Variants in RYR2 observed in about 807,000 individuals in gnomAD.
The protein encoded by RYR2 is ryanodine receptor 2, also known as cardiac muscle ryanodine receptor-calcium release channel.
In RYR2, 227 loss-of-function variants were observed where a neutral mutation model predicts 601.1. That is an observed-to-expected ratio of 0.38 (90% CI 0.34 to 0.42). The LOEUF (loss-of-function observed/expected upper bound fraction) is 0.42. Ranked by LOEUF, RYR2 falls within the 10% of genes least tolerant of loss-of-function variation. The pLI, the probability that RYR2 is intolerant of heterozygous loss-of-function variation, is 1.00. For missense variants in RYR2, 4,646 were observed against 6,156.5 expected (o/e 0.75, Z 8.21); for synonymous variants, 2,223 against 2,175.1 (o/e 1.02, Z -0.61).
chr1:237,187,216 G>T (rs1047356673), intron 1 of RYR2, among the ~76,000 whole-genome samples: 1 of 151,308 alleles, frequency 6.6e-6, no homozygotes, highest in Non-Finnish European at 1.5e-5. Flanking sequence ...TGTCGCTCAG[G>T]CTGGAGTGCA....
At chr1:237,543,579 T>C (rs186200021) in intron 25 of RYR2, among the ~76,000 whole-genome samples, 39 of 152,342 alleles carry the variant, frequency 2.6e-4, no homozygotes, top group Admixed American at 1.8e-3. Flanking sequence ...CTTTGAAATT[T>C]ACAGCTAACA....
Position 237,140,731 on chromosome 1 carries a change from T to C in RYR2, c.48+98162T>C, listed in dbSNP as rs552965961. 2.0e-5 allele frequency among the ~76,000 whole-genome samples: 3 copies of C among 152,298 alleles called. No individual in the cohort carries two copies. The South Asian group carries it at 6.2e-4, about 32-fold the overall frequency. On this transcript the variant is annotated intron_variant, in intron 1 of 104. Coordinates refer to ENST00000366574, the MANE Select transcript of RYR2 (RefSeq NM_001035.3). The stretch of plus-strand genomic sequence containing the variant: ...GTTCCTGGGGAAGTGGATTAATTAT[T>C]ATAAGCTTACTCTGAACCATTACAG...
intron 1 of RYR2, among the ~76,000 whole-genome samples, chr1:237,248,762 T>A (rs1434426893): frequency 4.6e-5 from 6 of 129,618 alleles, no homozygotes; most frequent in Non-Finnish European, 1.5e-5. Flanking sequence ...AATGTACATT[T>A]TTTTTTTTTT....
chr1:237,454,415 A>G lies in RYR2; in HGVS notation c.1317A>G (p.Lys439=), dbSNP rs1658553784. 1 of 1,611,128 alleles carries G rather than the reference A, an allele frequency of 6.2e-7. No individual in the cohort carries two copies. Among genetic ancestry groups the G allele is most frequent in the African/African-American group, 1.3e-5 (1 of 74,836 alleles). ...GGGGCCTTGATGCTCTCAGCAAGAAAGCGAAGGCTTCCACAGTCGATTTGC... is the reference window on the plus strand; with the variant it reads ...GGGGCCTTGATGCTCTCAGCAAGAAGGCGAAGGCTTCCACAGTCGATTTGC... ...FIRGLDALSK[K]AKASTVDLPI... The change falls in exon 15 of 105, where the codon AAA becomes AAG. Residue 439 remains lysine (K), a synonymous_variant. Transcript: ENST00000366574.
intron 47 of RYR2, 65 bp from the exon 48 acceptor site, chr1:237,643,262 T>C: frequency 6.3e-7 from 1 of 1,582,118 alleles, no homozygotes; most frequent in Non-Finnish European, 8.6e-7. Flanking sequence ...ACTTCAGATT[T>C]CCTAGACAGA....
chr1:237,077,406 G>A (rs1192811331), intron 1 of RYR2, among the ~76,000 whole-genome samples: 2 of 129,392 alleles, frequency 1.5e-5, no homozygotes, highest in Admixed American at 1.7e-4. Context: ...ACACACATAG[G>A]CTCAAAATAA....
At chr1:237,430,254 G>A (rs1442380758) in intron 12 of RYR2, among the ~76,000 whole-genome samples, 1 of 150,440 alleles carries the variant, frequency 6.6e-6, no homozygotes, top group Non-Finnish European at 1.5e-5. Flanking sequence ...AATATATATT[G>A]ATCTGGAGAT....
chr1:237,107,717 G>A (rs1325386088), intron 1 of RYR2, among the ~76,000 whole-genome samples: 1 of 152,062 alleles, frequency 6.6e-6, no homozygotes, highest in Non-Finnish European at 1.5e-5. Flanking sequence ...GGTCACAAAG[G>A]TGTAGGAAAC....
chr1:237,679,560 A>G (rs1291953532), intron 61 of RYR2, among the ~76,000 whole-genome samples: 2 of 152,194 alleles, frequency 1.3e-5, no homozygotes, highest in African/African-American at 4.8e-5. Flanking sequence ...AGTGACAAAC[A>G]GAAGAGACCA....
chr1:237,474,536 C>T lies in RYR2; in HGVS notation c.1708+5349C>T, dbSNP rs538742566. ...TGTGTAGATTGCCTAACCTAGTGCT[C>T]TTGAACCACATTCTTCCCTCCCTTC... On this transcript the variant is annotated intron_variant, in intron 17 of 104. Coordinates refer to ENST00000366574, the MANE Select transcript of RYR2 (RefSeq NM_001035.3). Among the ~76,000 whole-genome samples, 290 of 145,928 alleles carry T rather than the reference C, an allele frequency of 2.0e-3. 1 individual carries two copies. Among genetic ancestry groups the T allele is most frequent in the African/African-American group, 7.0e-3 (277 of 39,576 alleles).
At chr1:237,818,618 C>A (rs1432810561) in intron 100 of RYR2, among the ~76,000 whole-genome samples, 3 of 151,976 alleles carry the variant, frequency 2.0e-5, no homozygotes, top group South Asian at 2.1e-4. Flanking sequence ...AGCTTAATTT[C>A]TAAGATTCCA....
intron 13 of RYR2, among the ~76,000 whole-genome samples, chr1:237,444,523 G>A (rs981937705): frequency 3.5e-4 from 54 of 152,254 alleles, no homozygotes; most frequent in African/African-American, 1.2e-3. Flanking sequence ...TGCTATAAAT[G>A]TTGAATGAAG....
chr1:237,682,024 A>G (rs557277177), intron 62 of RYR2, among the ~76,000 whole-genome samples: 1 of 152,320 alleles, frequency 6.6e-6, no homozygotes, highest in South Asian at 2.1e-4. Flanking sequence ...AGAAAAATTC[A>G]AATAAATCAA....
At chr1:237,081,883 C>T (rs779679937) in intron 1 of RYR2, among the ~76,000 whole-genome samples, 3 of 152,108 alleles carry the variant, frequency 2.0e-5, no homozygotes, top group Non-Finnish European at 4.4e-5. Flanking sequence ...AGGGTGAGCT[C>T]CACCAGGCAC....
intron 27 of RYR2, among the ~76,000 whole-genome samples, chr1:237,557,485 A>C (rs1671023725): frequency 6.6e-6 from 1 of 152,124 alleles, no homozygotes; most frequent in Non-Finnish European, 1.5e-5. Context: ...AATTTCAGAG[A>C]GCTTTGTACG....
intron 1 of RYR2, among the ~76,000 whole-genome samples, chr1:237,154,150 A>G (rs1675042250): frequency 6.6e-6 from 1 of 152,346 alleles, no homozygotes; most frequent in Non-Finnish European, 1.5e-5. Flanking sequence ...CTCAGGAGTT[A>G]TGGATGCGGA....
At chr1:237,223,157 A>G (rs1684003016) in intron 1 of RYR2, among the ~76,000 whole-genome samples, 1 of 152,228 alleles carries the variant, frequency 6.6e-6, no homozygotes, top group Non-Finnish European at 1.5e-5. Context: ...ATACTGTCTT[A>G]TTCCATTTTC....
At chr1:237,484,251 T>C (rs1429613735) in intron 17 of RYR2, among the ~76,000 whole-genome samples, 1 of 152,214 alleles carries the variant, frequency 6.6e-6, no homozygotes, top group Admixed American at 6.5e-5. Flanking sequence ...GTATCCTTCA[T>C]GAATAGAGAA....
intron 80 of RYR2, among the ~76,000 whole-genome samples, chr1:237,742,998 C>T (rs554765030): frequency 1.4e-4 from 21 of 152,076 alleles, no homozygotes; most frequent in Admixed American, 6.5e-4. Context: ...ACTGTACTTT[C>T]GTTTTTTATG....
Sources: allele counts gnomAD v4.1 joint callset (sites outside exome capture counted in the v4.1 genomes callset), GRCh38; gene constraint gnomAD v4.1.1; transcripts MANE v1.5; gene names NCBI Gene and HGNC (gene_info 2026-07-23, HGNC 2026-07-21).